The following MGMT variants were observed in gnomAD, a reference collection of about 807,000 sequenced individuals.
MGMT encodes the protein methylated-DNA--protein-cysteine methyltransferase.
A neutral mutation model predicts 15.9 loss-of-function variants in MGMT; 14 were observed. That is an observed-to-expected ratio of 0.88 (90% CI 0.58 to 1.37). The LOEUF (loss-of-function observed/expected upper bound fraction) is 1.37, where lower values mean the gene tolerates loss of function less well. MGMT is among the 40% of genes most tolerant of loss of function. MGMT has a pLI of 0.00. For missense variants in MGMT, 282 were observed against 268.1 expected (o/e 1.05, Z -0.36); for synonymous variants, 130 against 118.2 (o/e 1.10, Z -0.65).
intron 2 of MGMT, among the ~76,000 whole-genome samples, chr10:129,604,552 G>A (rs1256313642): frequency 1.3e-5 from 2 of 152,110 alleles, no homozygotes; most frequent in Non-Finnish European, 2.9e-5. Context: ...AGTTTTATGG[G>A]GCTGTCAGAA....
rs1047444545 is a variant in MGMT, at chr10:129,533,028, C to T, written c.-12-3213C>T. Among the ~76,000 whole-genome samples, 1 of 152,202 alleles carries T rather than the reference C, an allele frequency of 6.6e-6. No individual in the cohort carries two copies. Among genetic ancestry groups the T allele is most frequent in the Non-Finnish European group, 1.5e-5 (1 of 68,038 alleles). On this transcript the variant is annotated intron_variant, in intron 1 of 4. Transcript: ENST00000651593. This position sits in a 1 kb window ranked among gnomAD's most constrained non-coding sequence, Gnocchi z 4.5. ...CTGGGCTCCTGCCTGGGACTCGAAT[C>T]GGGAGCAGGTCCCACGGAGGCAGAG... is the stretch of plus-strand genomic sequence containing the variant.
intron 2 of MGMT, among the ~76,000 whole-genome samples, chr10:129,682,447 A>T (rs906790511): frequency 6.6e-6 from 1 of 151,842 alleles, no homozygotes; most frequent in East Asian, 2.0e-4. Flanking sequence ...ACAAGCAGTG[A>T]TGGGGAAGAG....
Position 129,673,225 on chromosome 10 carries a change from G to A in MGMT, c.126-34670G>A, listed in dbSNP as rs187590487. ...TCCTGTACGCTGGCCCAAAATTGTC[G>A]CTGTCTGCTCTTAGAATATGACCCA... is the stretch of plus-strand genomic sequence containing the variant. On this transcript the variant is annotated intron_variant, in intron 2 of 4. Coordinates refer to ENST00000651593, the MANE Select transcript of MGMT (RefSeq NM_002412.5). 6.9e-4 allele frequency among the ~76,000 whole-genome samples: 105 copies of A among 152,078 alleles called. 1 individual carries two copies. Among genetic ancestry groups the A allele is most frequent in the Admixed American group, 2.0e-3 (31 of 15,278 alleles).
chr10:129,648,666 T>C (rs1007576581), intron 2 of MGMT, among the ~76,000 whole-genome samples: 2 of 152,244 alleles, frequency 1.3e-5, no homozygotes, highest in African/African-American at 4.8e-5. Flanking sequence ...TCACTTTTTT[T>C]CTTTTCTTTT....
At chr10:129,485,345 C>T (rs1711669) in intron 1 of MGMT, among the ~76,000 whole-genome samples, 121,149 of 152,130 alleles carry the variant, frequency 0.8, 48,359 homozygotes, top group African/African-American at 0.85. Context: ...TGGTTTTGTG[C>T]CAGATGACCC....
At chr10:129,719,710 G>T (rs1365369580) in intron 3 of MGMT, among the ~76,000 whole-genome samples, 1 of 152,124 alleles carries the variant, frequency 6.6e-6, no homozygotes, top group Non-Finnish European at 1.5e-5. Context: ...ACCTCTTAAA[G>T]ACCCCATCTG....
intron 4 of MGMT, among the ~76,000 whole-genome samples, chr10:129,762,915 C>T (rs1848891675): frequency 6.6e-6 from 1 of 151,820 alleles, no homozygotes; most frequent in Non-Finnish European, 1.5e-5. Context: ...CACTTGTTCA[C>T]CAGGATTTAG....
chr10:129,755,849 G>A (rs1564786005), intron 3 of MGMT, among the ~76,000 whole-genome samples: 1 of 152,216 alleles, frequency 6.6e-6, no homozygotes, highest in Non-Finnish European at 1.5e-5. Context: ...AGGAAGTGAT[G>A]AGTCTGAGCA....
intron 2 of MGMT, among the ~76,000 whole-genome samples, chr10:129,646,754 A>ATATATATATATATATATATATTTTTTTT: frequency 9.2e-5 from 8 of 86,664 alleles, no homozygotes; most frequent in Admixed American, 1.2e-4. Context: ...ATATATATAT[A>ATATATATATATATATATATATTTTTTTT]TTTTCAGGGA....
intron 1 of MGMT, among the ~76,000 whole-genome samples, chr10:129,480,195 T>G (rs1318392889): frequency 1.3e-5 from 2 of 152,146 alleles, no homozygotes; most frequent in African/African-American, 4.8e-5. Context: ...CTCACTCAGG[T>G]AAGTAATTAA....
chr10:129,678,164 G>C (rs1395271259), intron 2 of MGMT, among the ~76,000 whole-genome samples: 1 of 152,214 alleles, frequency 6.6e-6, no homozygotes, highest in African/African-American at 2.4e-5. Context: ...CATTATTTCT[G>C]ATTTCAAGCT....
chr10:129,660,834 G>A (rs1847589145), intron 2 of MGMT, among the ~76,000 whole-genome samples: 1 of 151,952 alleles, frequency 6.6e-6, no homozygotes, highest in African/African-American at 2.4e-5. Context: ...GCCGGAGTAG[G>A]GAGTATCTCT....
chr10:129,573,370 T>G (rs1296154981), intron 2 of MGMT, among the ~76,000 whole-genome samples: 1 of 152,204 alleles, frequency 6.6e-6, no homozygotes, highest in African/African-American at 2.4e-5. Context: ...CTCCCAATGT[T>G]AACAGCTTAC....
intron 3 of MGMT, among the ~76,000 whole-genome samples, chr10:129,711,737 G>C (rs555808414): frequency 2.0e-5 from 3 of 152,158 alleles, no homozygotes; most frequent in East Asian, 3.9e-4. Flanking sequence ...GCATCTTGTC[G>C]TACAACGTAG....
Position 129,644,644 on chromosome 10 carries a change from G to A in MGMT, c.126-63251G>A, listed in dbSNP as rs192247677. 2.2e-3 allele frequency among the ~76,000 whole-genome samples: 342 copies of A among 152,258 alleles called. 2 individuals are homozygous for A. The highest frequency in any genetic ancestry group is 7.5e-3 in the African/African-American group (313 of 41,548). On this transcript the variant is annotated intron_variant, in intron 2 of 4. Coordinates refer to ENST00000651593, the MANE Select transcript of MGMT (RefSeq NM_002412.5). ...CAATTCCTGCTTCCCTTTCAGACAC[G>A]CATTCATCCTTAACTCTTTATCAGA...
At chr10:129,641,563 TCA>T (rs755238574) in intron 2 of MGMT, among the ~76,000 whole-genome samples, 2 of 152,236 alleles carry the variant, frequency 1.3e-5, no homozygotes, top group Non-Finnish European at 2.9e-5. Flanking sequence ...ATTCTGGATT[TCA>T]CAGTTTCTTT....
Position 129,496,867 on chromosome 10 carries a change from A to T in MGMT, c.-13+29571A>T, listed in dbSNP as rs947972561. 9.3e-4 allele frequency among the ~76,000 whole-genome samples: 141 copies of T among 152,180 alleles called. 1 individual carries two copies. The highest frequency in any genetic ancestry group is 1.7e-3 in the Non-Finnish European group (113 of 68,004). ...TGTTAATTTTTTTCTTTTTTAAAAA[A>T]TTAATTGTAGAGATGGGGTCTCTCT... is the stretch of plus-strand genomic sequence containing the variant. On this transcript the variant is annotated intron_variant, in intron 1 of 4. Transcript: ENST00000651593.
At chr10:129,491,376 G>A (rs1463706321) in intron 1 of MGMT, among the ~76,000 whole-genome samples, 1 of 152,098 alleles carries the variant, frequency 6.6e-6, no homozygotes, top group Non-Finnish European at 1.5e-5. Flanking sequence ...CTGCTTTTAA[G>A]ATTTTTTCTT....
intron 3 of MGMT, among the ~76,000 whole-genome samples, chr10:129,744,647 G>A (rs563325160): frequency 1.6e-4 from 25 of 152,306 alleles, no homozygotes; most frequent in African/African-American, 5.3e-4. Flanking sequence ...GCTTTCCTGC[G>A]TGCCACGGAG....
Sources: gnomAD v4.1 joint callset for allele counts (sites outside exome capture counted in the v4.1 genomes callset) on GRCh38, gnomAD v4.1.1 for gene constraint, Gnocchi (gnomAD v3.1) non-coding constraint, MANE v1.5 for transcripts, NCBI Gene and HGNC (gene_info 2026-07-23, HGNC 2026-07-21) for gene names.